ABRA: variants seen among roughly 807,000 people sequenced by gnomAD.
ABRA encodes actin binding Rho activating protein.
ABRA carries 25 observed loss-of-function variants against 33.4 expected under a neutral mutation model. The ratio of observed to expected loss-of-function variants is 0.75; its 90% CI spans 0.55 to 1.04. The LOEUF is 1.04. ABRA is among the 50% of genes least tolerant of loss of function. The probability of loss-of-function intolerance (pLI) is 0.00; values close to 1 mark genes in which losing one functional copy is unlikely to be tolerated. For missense variants in ABRA, 501 were observed against 491.7 expected (o/e 1.02, Z -0.18); for synonymous variants, 193 against 176.8 (o/e 1.09, Z -0.73).
chr8:106,763,300 G>A (rs1288353617), intron 1 of ABRA, among the ~76,000 whole-genome samples: 1 of 151,946 alleles, frequency 6.6e-6, no homozygotes, highest in Non-Finnish European at 1.5e-5. Context: ...TTGCTATATC[G>A]TTTCATAGCA....
Position 106,769,719 on chromosome 8 carries a change from T to C in ABRA, c.472A>G (p.Thr158Ala), listed in dbSNP as rs145473353. ...AGGTTGGCACATTTTCTCCTCCGCG[T>C]TGGGGAGCCGTGGCTGTGGAGGATT... Reference protein sequence around the residue: ...DRILHSHGSPTRRRKCANLVS... With the variant: ...DRILHSHGSPARRRKCANLVS... The change falls in exon 1 of 2, where the codon ACG becomes GCG. Residue 158 changes from threonine to alanine, a missense_variant. Transcript: ENST00000311955. The C allele has an allele frequency of 1.7e-5, 28 of 1,614,050 alleles. No homozygotes were observed. The highest frequency in any genetic ancestry group is 2.2e-5 in the East Asian group (1 of 44,878).
In ABRA at chr8:106,761,484, G is replaced by C. The variant is rs1003938583; in HGVS notation, c.699C>G (p.Cys233Trp). 6.2e-7 allele frequency: 1 copy of C among 1,613,910 alleles called. No individual in the cohort carries two copies. The highest frequency in any genetic ancestry group is 8.5e-7 in the Non-Finnish European group (1 of 1,179,918). ...CTGGGCTATATTTCTGTTGGGCTTT[G>C]CAGTTGAGTTTCTCTGTAAATCTGT... ...QVNRFTEKLN[C>W]KAQQKYSPVG... is the part of the protein sequence containing the mutation. Residue 233 changes from cysteine (C) to tryptophan (W), a missense_variant, in exon 2 of 2, where the codon TGC becomes TGG. Transcript: ENST00000311955.
intron 1 of ABRA, among the ~76,000 whole-genome samples, chr8:106,766,739 G>C (rs1233500852): frequency 6.6e-6 from 1 of 152,194 alleles, no homozygotes; most frequent in African/African-American, 2.4e-5. Context: ...GAAGGGCTGG[G>C]ATCACCAAGC....
At chr8:106,767,509 G>T (rs1208987217) in intron 1 of ABRA, among the ~76,000 whole-genome samples, 1 of 152,210 alleles carries the variant, frequency 6.6e-6, no homozygotes, top group Non-Finnish European at 1.5e-5. Context: ...CTGCATGAAG[G>T]TTGGAACCAT....
chr8:106,767,423 G>A (rs1299073848), intron 1 of ABRA, among the ~76,000 whole-genome samples: 2 of 152,144 alleles, frequency 1.3e-5, no homozygotes, highest in Non-Finnish European at 2.9e-5. Context: ...CCTCATGTTC[G>A]GATAGCATAG....
chr8:106,770,164 C>A lies in ABRA; in HGVS notation c.27G>T (p.Gly9=), dbSNP rs138488793. The stretch of plus-strand genomic sequence containing the variant: ...GGAGGGCGCTCTTGGCTGGGCCCTC[C>A]CCGCTTTCCTTTTCGCCCGGAGCCA... MAPGEKES[G]EGPAKSALRK... Residue 9 remains glycine (G), a synonymous_variant, in exon 1 of 2, where the codon GGG becomes GGT. Coordinates refer to ENST00000311955, the MANE Select transcript of ABRA (RefSeq NM_139166.5). 280 of 1,611,370 alleles carry A rather than the reference C, an allele frequency of 1.7e-4. 2 individuals are homozygous for A. Among genetic ancestry groups the A allele is most frequent in the Admixed American group, 6.7e-5 (4 of 59,944 alleles).
chr8:106,769,377 C>T (rs1007868649), intron 1 of ABRA, 146 bp downstream of exon 1: 3 of 1,137,404 alleles, frequency 2.6e-6, no homozygotes, highest in Non-Finnish European at 3.7e-6. Context: ...CAGGGACATC[C>T]CTCCTCTACA....
chr8:106,761,144 C>A lies in ABRA; in HGVS notation c.1039G>T (p.Val347Leu). 6.2e-7 allele frequency: 1 copy of A among 1,614,210 alleles called. No homozygotes were observed. Among genetic ancestry groups the A allele is most frequent in the African/African-American group, 1.3e-5 (1 of 75,052 alleles). Residue 347 changes from valine (V) to leucine (L), a missense_variant, in exon 2 of 2, where the codon GTA becomes TTA. By Grantham distance (32) the Val-to-Leu change is conservative. Coordinates refer to ENST00000311955, the MANE Select transcript of ABRA (RefSeq NM_139166.5). ...FDRYVRISDK[V>L]VGILMRARKH... is the part of the protein sequence containing the mutation. ...CTGGCACGCATGAGAATGCCCACTACTTTATCTGAAATACGAACGTATCTG... is the reference window on the plus strand; with the variant it reads ...CTGGCACGCATGAGAATGCCCACTAATTTATCTGAAATACGAACGTATCTG...
chr8:106,765,363 T>A (rs780151906), intron 1 of ABRA, among the ~76,000 whole-genome samples: 180 of 152,324 alleles, frequency 1.2e-3, no homozygotes, highest in Non-Finnish European at 1.9e-3. Flanking sequence ...CATGATTTTC[T>A]CTTCTGTCTC....
chr8:106,765,319 T>C (rs2131631876), intron 1 of ABRA, among the ~76,000 whole-genome samples: 1 of 152,278 alleles, frequency 6.6e-6, no homozygotes, highest in East Asian at 1.9e-4. Flanking sequence ...TTCACTTGAA[T>C]CACCAGCTTC....
At position 106,759,924 on chromosome 8, in the gene ABRA, G is replaced by A. The variant is rs982751117; in HGVS notation, c.*1113C>T. On this transcript the variant is annotated 3_prime_UTR_variant, in exon 2 of 2. Coordinates refer to ENST00000311955, the MANE Select transcript of ABRA (RefSeq NM_139166.5). ...ATCATCATTGTATATTTTTTACTTT[G>A]GCAGAACTAATATTGCAGTTTTATG... is the stretch of plus-strand genomic sequence containing the variant. 2.0e-5 allele frequency: 3 copies of A among 151,972 alleles called. No homozygotes were observed. Among genetic ancestry groups the A allele is most frequent in the Admixed American group, 6.6e-5 (1 of 15,256 alleles). The allele number at this position is 151,972 out of a possible 1,614,324, so 9.4% of individuals were successfully genotyped here. A position where few individuals can be genotyped will look rare whatever the true frequency, so the allele number is the denominator to read the frequency against.
At chr8:106,768,340 G>T (rs56368632) in intron 1 of ABRA, among the ~76,000 whole-genome samples, 3,561 of 152,170 alleles carry the variant, frequency 0.023, 143 homozygotes, top group African/African-American at 0.08. Flanking sequence ...CGTGTTTCTT[G>T]TCTATATACA....
chr8:106,766,482 A>G (rs574380215), intron 1 of ABRA, among the ~76,000 whole-genome samples: 1 of 152,300 alleles, frequency 6.6e-6, no homozygotes, highest in South Asian at 2.1e-4. Flanking sequence ...AAATTGGCTT[A>G]GTAATGCTGC....
At chr8:106,765,943 A>G (rs1410195610) in intron 1 of ABRA, among the ~76,000 whole-genome samples, 1 of 152,216 alleles carries the variant, frequency 6.6e-6, no homozygotes, top group African/African-American at 2.4e-5. Context: ...AGTCTAGCAT[A>G]GTGGTTAAGA....
intron 1 of ABRA, among the ~76,000 whole-genome samples, chr8:106,767,840 A>C (rs966556517): frequency 6.6e-6 from 1 of 152,210 alleles, no homozygotes; most frequent in African/African-American, 2.4e-5. Context: ...TGGCTCATGC[A>C]TCCCAGGACT....
At chr8:106,768,884 T>C (rs1325981442) in intron 1 of ABRA, among the ~76,000 whole-genome samples, 1 of 152,084 alleles carries the variant, frequency 6.6e-6, no homozygotes, top group East Asian at 1.9e-4. Context: ...TGATCCGCCC[T>C]CCTCAGCCTC....
In ABRA at chr8:106,761,202, G is replaced by A; in HGVS notation, c.981C>T (p.Gly327=). The A allele has an allele frequency of 6.2e-7, 1 of 1,614,198 alleles. No individual in the cohort carries two copies. Among genetic ancestry groups the A allele is most frequent in the Non-Finnish European group, 8.5e-7 (1 of 1,180,040 alleles). ...GATCTCCAAAAGTAACCTGGATCTT[G>A]CCATCTCGTCTGTGGCGAGCCATTG... ...ICTMARHRRD[G]KIQVTFGDLF... Residue 327 remains glycine, a synonymous_variant, in exon 2 of 2, where the codon GGC becomes GGT. Transcript: ENST00000311955.
chr8:106,766,654 G>A (rs1363470188), intron 1 of ABRA, among the ~76,000 whole-genome samples: 2 of 152,012 alleles, frequency 1.3e-5, no homozygotes, highest in Non-Finnish European at 2.9e-5. Flanking sequence ...CAGAGGGAAA[G>A]GAACCAAAAA....
In ABRA at chr8:106,761,506, C is replaced by T. The variant is rs768279398; in HGVS notation, c.677G>A (p.Arg226Lys). The T allele has an allele frequency of 6.2e-7, 1 of 1,612,356 alleles. No homozygotes were observed. Among genetic ancestry groups the T allele is most frequent in the Non-Finnish European group, 8.5e-7 (1 of 1,179,078 alleles). Residue 226 changes from arginine (R) to lysine (K), a missense_variant, in exon 2 of 2, where the codon AGA becomes AAA. Arg to Lys is a conservative substitution (Grantham distance 26). Transcript: ENST00000311955. ...IKRPLPSQVN[R>K]FTEKLNCKAQ... ...TTTGCAGTTGAGTTTCTCTGTAAAT[C>T]TGTTTACCCTAAAGTAGAGAGAGGG...
Sources: allele counts gnomAD v4.1 joint callset (sites outside exome capture counted in the v4.1 genomes callset), GRCh38; gene constraint gnomAD v4.1.1; transcripts MANE v1.5; gene names NCBI Gene and HGNC (gene_info 2026-07-23, HGNC 2026-07-21).